The following IQCJ variants were observed in gnomAD, a reference collection of about 807,000 sequenced individuals.
The protein encoded by IQCJ is IQ motif containing J.
IQCJ carries 9 observed loss-of-function variants against 11.0 expected under a neutral mutation model. That is an observed-to-expected ratio of 0.82 (90% CI 0.49 to 1.43). IQCJ has a LOEUF of 1.43. Among genes scored for constraint, IQCJ ranks in the 40% most tolerant of loss-of-function variants. The pLI is 0.00. For synonymous variants in IQCJ, 55 were observed against 51.3 expected (o/e 1.07, Z -0.31); for missense variants, 146 against 133.2 (o/e 1.10, Z -0.47).
intron 1 of IQCJ, among the ~76,000 whole-genome samples, chr3:159,221,309 G>A (rs997360946): frequency 6.6e-6 from 1 of 152,090 alleles, no homozygotes; most frequent in Non-Finnish European, 1.5e-5. Flanking sequence ...ATCAATATAA[G>A]GTGCCTGGCA....
In IQCJ at chr3:159,249,902, T is replaced by TACACACACACACACACACAC. The variant is rs10567080; in HGVS notation, c.75-2820_75-2801dup. 4.0e-3 allele frequency among the ~76,000 whole-genome samples: 604 copies of TACACACACACACACACACAC among 150,630 alleles called. 3 individuals carry two copies. Among genetic ancestry groups the TACACACACACACACACACAC allele is most frequent in the South Asian group, 0.02 (96 of 4,766 alleles). ...GCAGAGCCAATCAAGTGCATTTGTG[T>TACACACACACACACACACAC]ACACACACACACACACACACACACG... On this transcript the variant is annotated intron_variant, in intron 2 of 3. Transcript: ENST00000397832.
intron 1 of IQCJ, among the ~76,000 whole-genome samples, chr3:159,200,120 T>TAC (rs71144477): frequency 6.8e-6 from 1 of 146,524 alleles, no homozygotes; most frequent in Non-Finnish European, 1.5e-5. Flanking sequence ...TATATATATA[T>TAC]CACTTTGAAC....
intron 1 of IQCJ, among the ~76,000 whole-genome samples, chr3:159,119,311 G>T (rs1224489993): frequency 6.6e-6 from 1 of 152,148 alleles, no homozygotes; most frequent in Non-Finnish European, 1.5e-5. Flanking sequence ...GGGTGCTGAG[G>T]ATCTGTTCTG....
intron 1 of IQCJ, among the ~76,000 whole-genome samples, chr3:159,192,522 C>A (rs145442664): frequency 3.3e-5 from 5 of 152,190 alleles, no homozygotes; most frequent in African/African-American, 7.2e-5. Context: ...CTCAGCTAGT[C>A]CTACTGGGAA....
chr3:159,152,784 G>A (rs1182643650), intron 1 of IQCJ, among the ~76,000 whole-genome samples: 1 of 152,172 alleles, frequency 6.6e-6, no homozygotes, highest in African/African-American at 2.4e-5. Flanking sequence ...TCTGATAAAT[G>A]TAACAATAGA....
At chr3:159,170,566 G>A (rs1049783412) in intron 1 of IQCJ, among the ~76,000 whole-genome samples, 12 of 151,756 alleles carry the variant, frequency 7.9e-5, no homozygotes, top group Non-Finnish European at 1.8e-4. Context: ...GTAACTTTAC[G>A]ATCTTTAGAA....
At chr3:159,164,939 G>T (rs148650304) in intron 1 of IQCJ, among the ~76,000 whole-genome samples, 2 of 152,200 alleles carry the variant, frequency 1.3e-5, no homozygotes, top group Admixed American at 6.5e-5. Flanking sequence ...TGACTTCATG[G>T]TCTAATGTGG....
chr3:159,156,539 G>A (rs1265035876), intron 1 of IQCJ, among the ~76,000 whole-genome samples: 4 of 152,206 alleles, frequency 2.6e-5, no homozygotes, highest in African/African-American at 9.6e-5. Flanking sequence ...CAGAAGGTTG[G>A]TGAAATGAGC....
At chr3:159,171,899 A>T (rs1218383184) in intron 1 of IQCJ, among the ~76,000 whole-genome samples, 1 of 152,202 alleles carries the variant, frequency 6.6e-6, no homozygotes, top group Non-Finnish European at 1.5e-5. Context: ...GGTGATGTTG[A>T]TACTTCTGGT....
intron 1 of IQCJ, among the ~76,000 whole-genome samples, chr3:159,231,425 G>A (rs1177872205): frequency 2.0e-5 from 3 of 152,118 alleles, no homozygotes; most frequent in African/African-American, 7.2e-5. Flanking sequence ...CTTGTTTTCT[G>A]ATAATCACAT....
At chr3:159,189,000 G>A (rs996941290) in intron 1 of IQCJ, among the ~76,000 whole-genome samples, 1 of 152,142 alleles carries the variant, frequency 6.6e-6, no homozygotes, top group African/African-American at 2.4e-5. Context: ...CGTAGTGATG[G>A]GGTTGGGAGA....
At chr3:159,150,708 AG>A (rs1721165267) in intron 1 of IQCJ, among the ~76,000 whole-genome samples, 1 of 152,144 alleles carries the variant, frequency 6.6e-6, no homozygotes, top group Admixed American at 6.5e-5. Flanking sequence ...CTCAGCACAC[AG>A]TAACTATTCA....
chr3:159,260,428 C>T (rs1465490358), intron 3 of IQCJ, among the ~76,000 whole-genome samples: 1 of 152,200 alleles, frequency 6.6e-6, no homozygotes, highest in Non-Finnish European at 1.5e-5. Flanking sequence ...AATTTTTAGA[C>T]AGCCTTTAAA....
intron 1 of IQCJ, among the ~76,000 whole-genome samples, chr3:159,078,970 T>C (rs1576988517): frequency 6.6e-6 from 1 of 152,150 alleles, no homozygotes; most frequent in East Asian, 1.9e-4. Context: ...ATAATAATTA[T>C]TAATAATATG....
At chr3:159,114,601 T>C (rs1038632007) in intron 1 of IQCJ, among the ~76,000 whole-genome samples, 7 of 152,138 alleles carry the variant, frequency 4.6e-5, no homozygotes, top group African/African-American at 1.4e-4. Flanking sequence ...TGTGAGCCAC[T>C]GCACCCAGCC....
intron 1 of IQCJ, among the ~76,000 whole-genome samples, chr3:159,220,808 G>C (rs756327749): frequency 6.6e-6 from 1 of 152,034 alleles, no homozygotes; most frequent in Non-Finnish European, 1.5e-5. Context: ...ACTAACTATG[G>C]GCTTGTTATT....
At chr3:159,247,725 A>G (rs1178812284) in intron 2 of IQCJ, among the ~76,000 whole-genome samples, 1 of 152,114 alleles carries the variant, frequency 6.6e-6, no homozygotes, top group Non-Finnish European at 1.5e-5. Context: ...TTAGAGGAAT[A>G]TTTTTAGTTT....
At chr3:159,199,626 C>T (rs1034840495) in intron 1 of IQCJ, among the ~76,000 whole-genome samples, 1 of 152,028 alleles carries the variant, frequency 6.6e-6, no homozygotes, top group African/African-American at 2.4e-5. Flanking sequence ...TGGTCTCTAT[C>T]TTGATTAGAT....
downstream of IQCJ, chr3:159,265,438 C>A: frequency 1.3e-6 from 2 of 1,545,790 alleles, no homozygotes; most frequent in East Asian, 2.3e-5. Flanking sequence ...ATAGGATGAT[C>A]CCTGGCCTAC....
Sources: allele counts gnomAD v4.1 joint callset (sites outside exome capture counted in the v4.1 genomes callset), GRCh38; gene constraint gnomAD v4.1.1; transcripts MANE v1.5; gene names NCBI Gene and HGNC (gene_info 2026-07-23, HGNC 2026-07-21).